Variants in TBC1D31 observed in about 807,000 individuals in gnomAD.
TBC1D31 encodes the protein WD repeat domain 67.
Under a neutral mutation model 132.9 loss-of-function variants are expected in TBC1D31, and 99 were observed. The observed-to-expected ratio is 0.74, with a 90% CI of 0.63 to 0.88. The LOEUF is 0.88. TBC1D31 is among the 40% of genes least tolerant of loss of function. TBC1D31 has a pLI of 0.00. For synonymous variants in TBC1D31, 385 were observed against 419.4 expected, an observed-to-expected ratio of 0.92 and a Z score of 1.00; for missense variants, 1,134 against 1,256.6, an observed-to-expected ratio of 0.90 and a Z score of 1.48.
intron 8 of TBC1D31, 75 bp from the exon 9 acceptor site, chr8:123,109,242 T>C: frequency 9.5e-7 from 1 of 1,050,454 alleles, no homozygotes; most frequent in East Asian, 2.4e-5. Context: ...GAAGTCACTG[T>C]GGACTAGATT....
At position 123,098,543 on chromosome 8, in the gene TBC1D31, C is replaced by T. The variant is rs560346208; in HGVS notation, c.831+1102C>T. 2.6e-5 allele frequency among the ~76,000 whole-genome samples: 4 copies of T among 152,348 alleles called. No homozygotes were observed. The South Asian group carries it at 8.3e-4, about 32-fold the overall frequency. On this transcript the variant is annotated intron_variant, in intron 6 of 21. Coordinates refer to ENST00000287380, the MANE Select transcript of TBC1D31 (RefSeq NM_145647.4). Reference sequence around the variant, plus strand: ...CCTCAAGTGATCCACCTGCCTCAGCCTCCCAAAGTGCTGGGATTATAGGCG... The same window carrying T: ...CCTCAAGTGATCCACCTGCCTCAGCTTCCCAAAGTGCTGGGATTATAGGCG...
intron 17 of TBC1D31, among the ~76,000 whole-genome samples, chr8:123,138,544 A>G (rs1353789698): frequency 2.6e-5 from 4 of 152,146 alleles, no homozygotes; most frequent in Admixed American, 2.0e-4. Flanking sequence ...AAGGCTGTTT[A>G]CTATCCTTCT....
chr8:123,142,527 TCAC>T, intron 19 of TBC1D31, 71 bp downstream of exon 19: 1 of 1,267,538 alleles, frequency 7.9e-7, no homozygotes, highest in Non-Finnish European at 1.1e-6. Flanking sequence ...AGACAGAGTC[TCAC>T]TTTGTTGTAC....
chr8:123,115,176 G>C (rs1305130509), intron 10 of TBC1D31, among the ~76,000 whole-genome samples: 1 of 152,184 alleles, frequency 6.6e-6, no homozygotes, highest in Non-Finnish European at 1.5e-5. Flanking sequence ...GGAAATGCCA[G>C]TGTTACTGTG....
intron 4 of TBC1D31, among the ~76,000 whole-genome samples, chr8:123,092,808 ATTTTTTTTTT>A (rs71573666): frequency 9.7e-6 from 1 of 103,558 alleles, no homozygotes; most frequent in Non-Finnish European, 1.9e-5. Context: ...CACCCGGCTA[ATTTTTTTTTT>A]TTTTTTTTTT....
intron 20 of TBC1D31, among the ~76,000 whole-genome samples, chr8:123,145,723 T>G (rs151300160): frequency 6.6e-6 from 1 of 151,802 alleles, no homozygotes; most frequent in African/African-American, 2.4e-5. Context: ...CCAAAAATTA[T>G]AGAGTACAGT....
Position 123,082,704 on chromosome 8 carries a change from T to G in TBC1D31, c.227T>G (p.Phe76Cys). ...IYVFDLHGNR[F>C]NLVQRTAQAC... ...CTAATGCAATGATCTCTTAATAGGTTCAATCTTGTTCAGCGAACAGCACAA... is the reference window on the plus strand; with the variant it reads ...CTAATGCAATGATCTCTTAATAGGTGCAATCTTGTTCAGCGAACAGCACAA... The change falls in exon 3 of 22, where the codon TTC becomes TGC. Residue 76 changes from phenylalanine to cysteine, a missense_variant and splice_region_variant. Transcript: ENST00000287380. 2 of 1,602,634 alleles carry G rather than the reference T, an allele frequency of 1.2e-6. No individual in the cohort carries two copies. Among genetic ancestry groups the G allele is most frequent in the Non-Finnish European group, 1.7e-6 (2 of 1,174,630 alleles).
At chr8:123,081,443 T>G (rs183102548) in intron 2 of TBC1D31, among the ~76,000 whole-genome samples, 3 of 152,264 alleles carry the variant, frequency 2.0e-5, no homozygotes. Context: ...AAGTGATTGG[T>G]CCAAATTGAG....
chr8:123,157,712 C>CGT, the TBC1D31 span, among the ~76,000 whole-genome samples: 4 of 106,308 alleles, frequency 3.8e-5, no homozygotes, highest in East Asian at 1.3e-3. Flanking sequence ...CACACGGGCG[C>CGT]GCGCGCGCAC....
the TBC1D31 span, among the ~76,000 whole-genome samples, chr8:123,163,261 C>T: frequency 6.6e-6 from 1 of 151,538 alleles, no homozygotes; most frequent in Non-Finnish European, 1.5e-5. Context: ...AATTCACATA[C>T]CATATAATTC....
intron 6 of TBC1D31, among the ~76,000 whole-genome samples, chr8:123,099,824 G>A (rs1387066101): frequency 2.0e-5 from 3 of 152,150 alleles, no homozygotes; most frequent in Non-Finnish European, 4.4e-5. Context: ...AGGCTGGGAA[G>A]TCCAAGATCT....
rs188045790 is a variant in TBC1D31 at position 123,148,995 on chromosome 8, C to T, written c.2975-1041C>T. ...CCAGGAGGTGGAGGTTGCAGTAAGCCGAGATCACGCCACTGCACTCCAGCC... is the reference window on the plus strand; with the variant it reads ...CCAGGAGGTGGAGGTTGCAGTAAGCTGAGATCACGCCACTGCACTCCAGCC... On this transcript the variant is annotated intron_variant, in intron 20 of 21. Coordinates refer to ENST00000287380, the MANE Select transcript of TBC1D31 (RefSeq NM_145647.4). Among the ~76,000 whole-genome samples, 738 of 151,958 alleles carry T rather than the reference C, an allele frequency of 4.9e-3. 9 individuals are homozygous for T. Among genetic ancestry groups the T allele is most frequent in the Non-Finnish European group, 4.2e-3 (283 of 67,980 alleles).
intron 10 of TBC1D31, among the ~76,000 whole-genome samples, chr8:123,110,634 C>T (rs1261788044): frequency 6.6e-6 from 1 of 152,170 alleles, no homozygotes; most frequent in African/African-American, 2.4e-5. Flanking sequence ...AATATTCCCA[C>T]TCACTCTACA....
chr8:123,105,849 A>T (rs1477446175), intron 8 of TBC1D31, among the ~76,000 whole-genome samples: 1 of 152,200 alleles, frequency 6.6e-6, no homozygotes, highest in Non-Finnish European at 1.5e-5. Context: ...CTTTCACAAA[A>T]TGTACACACC....
At chr8:123,122,617 C>A (rs1819604550) in intron 11 of TBC1D31, among the ~76,000 whole-genome samples, 1 of 151,974 alleles carries the variant, frequency 6.6e-6, no homozygotes. Flanking sequence ...ATAGTATAAC[C>A]CTGAATGGGA....
At chr8:123,126,851 C>T (rs1393637086) in intron 13 of TBC1D31, among the ~76,000 whole-genome samples, 164 bp downstream of exon 13, 1 of 152,034 alleles carries the variant, frequency 6.6e-6, no homozygotes, top group African/African-American at 2.4e-5. Flanking sequence ...AAGCGATTCT[C>T]CTGCCTCAGC....
intron 4 of TBC1D31, among the ~76,000 whole-genome samples, chr8:123,090,765 A>G (rs969653092): frequency 6.6e-6 from 1 of 152,084 alleles, no homozygotes; most frequent in African/African-American, 2.4e-5. Flanking sequence ...AGCCTGGCCA[A>G]CATAGTGAAA....
At chr8:123,157,743 C>CA in the TBC1D31 span, among the ~76,000 whole-genome samples, 22 of 122,886 alleles carry the variant, frequency 1.8e-4, no homozygotes, top group African/African-American at 5.6e-4. Context: ...ACACACACAC[C>CA]CGCTGTTACG....
intron 7 of TBC1D31, among the ~76,000 whole-genome samples, chr8:123,104,978 A>T (rs1469809243): frequency 6.6e-6 from 1 of 152,100 alleles, no homozygotes; most frequent in Non-Finnish European, 1.5e-5. Flanking sequence ...CACCATACTA[A>T]CTTTACCATG....
Sources: allele counts gnomAD v4.1 joint callset (sites outside exome capture counted in the v4.1 genomes callset), GRCh38; gene constraint gnomAD v4.1.1; transcripts MANE v1.5; gene names NCBI Gene and HGNC (gene_info 2026-07-23, HGNC 2026-07-21).